The following FAT4 variants were observed in gnomAD, a reference collection of about 807,000 sequenced individuals.
The protein encoded by FAT4 is FAT atypical cadherin 4.
A neutral mutation model predicts 303.9 loss-of-function variants in FAT4; 84 were observed. The ratio of observed to expected loss-of-function variants is 0.28; its 90% confidence interval spans 0.23 to 0.33. The LOEUF is 0.33. Among genes scored for constraint, FAT4 ranks in the 10% least tolerant of loss-of-function variants. The pLI, the probability that FAT4 is intolerant of heterozygous loss-of-function variation, is 1.00. For missense variants in FAT4, 6,005 were observed against 6,146.8 expected, an observed-to-expected ratio of 0.98 and a Z score of 0.77; for synonymous variants, 2,307 against 2,298.8, an observed-to-expected ratio of 1.00 and a Z score of -0.10.
At chr4:125,340,814 C>A (rs1287418687) in intron 2 of FAT4, among the ~76,000 whole-genome samples, 4 of 152,054 alleles carry the variant, frequency 2.6e-5, no homozygotes, top group Non-Finnish European at 2.9e-5. Context: ...GTAGGATAAT[C>A]AACACATGGA....
Position 125,316,201 on chromosome 4 carries a change from A to G in FAT4, c.-12-199A>G, listed in dbSNP as rs1404750850. ...ATGCCCTGCCGCTTTTCGCCACAGC[A>G]TCTCTCTTGCACTCCGCGTTCAACT... On this transcript the variant is annotated intron_variant, in intron 1 of 17. Coordinates refer to ENST00000394329, the MANE Select transcript of FAT4 (RefSeq NM_001291303.3). This position sits in a 1 kb window ranked among gnomAD's most constrained non-coding sequence, Gnocchi z 5.7. Among the ~76,000 whole-genome samples, 1 of 152,146 alleles carries G rather than the reference A, an allele frequency of 6.6e-6. No individual in the cohort carries two copies. Among genetic ancestry groups the G allele is most frequent in the Non-Finnish European group, 1.5e-5 (1 of 68,028 alleles).
At chr4:125,488,508 G>A (rs945681939) in intron 17 of FAT4, among the ~76,000 whole-genome samples, 1 of 152,156 alleles carries the variant, frequency 6.6e-6, no homozygotes, top group Non-Finnish European at 1.5e-5. Context: ...TGAGGAGTTA[G>A]AAAGAAATGG....
At chr4:125,330,619 A>G (rs890798721) in intron 2 of FAT4, among the ~76,000 whole-genome samples, 4 of 152,206 alleles carry the variant, frequency 2.6e-5, no homozygotes, top group Non-Finnish European at 4.4e-5. Flanking sequence ...TTGATCTGCT[A>G]TGTTCCTTAA....
At chr4:125,437,694 C>G (rs2126046932) in intron 8 of FAT4, among the ~76,000 whole-genome samples, 1 of 152,216 alleles carries the variant, frequency 6.6e-6, no homozygotes, top group African/African-American at 2.4e-5. Flanking sequence ...TATACCAAAG[C>G]ATAGAAATAA....
intron 2 of FAT4, among the ~76,000 whole-genome samples, chr4:125,367,096 C>T (rs1732915317): frequency 6.6e-6 from 1 of 151,926 alleles, no homozygotes; most frequent in Admixed American, 6.6e-5. Flanking sequence ...AGAAGCTTTT[C>T]TTTAGTTTAG....
intron 8 of FAT4, among the ~76,000 whole-genome samples, chr4:125,441,855 C>T (rs912752253): frequency 1.5e-4 from 23 of 152,304 alleles, no homozygotes; most frequent in Middle Eastern, 3.4e-3. Context: ...AGGATCTGTG[C>T]TTTCCCAAGC....
intron 7 of FAT4, 26 bp downstream of exon 7, chr4:125,416,648 T>C (rs1735086083): frequency 1.2e-6 from 2 of 1,608,060 alleles, no homozygotes. Flanking sequence ...CCTTGTTCAT[T>C]TGTAGATAAT....
chr4:125,332,349 G>C (rs1290960165), intron 2 of FAT4, among the ~76,000 whole-genome samples: 1 of 151,742 alleles, frequency 6.6e-6, no homozygotes, highest in East Asian at 1.9e-4. Flanking sequence ...TGCCCAGTCT[G>C]GTGTTAATGC....
At chr4:125,392,505 T>A (rs2126007900) in intron 2 of FAT4, among the ~76,000 whole-genome samples, 1 of 152,302 alleles carries the variant, frequency 6.6e-6, no homozygotes, top group East Asian at 1.9e-4. Context: ...ATGTTGCATC[T>A]TTTAAGAAAA....
chr4:125,348,028 A>G (rs961871354), intron 2 of FAT4, among the ~76,000 whole-genome samples: 16 of 151,964 alleles, frequency 1.1e-4, no homozygotes, highest in Middle Eastern at 3.4e-3. Flanking sequence ...AAGGTTTAGG[A>G]TCAGAAGGCC....
chr4:125,365,930 A>G (rs1431686279), intron 2 of FAT4, among the ~76,000 whole-genome samples: 1 of 152,064 alleles, frequency 6.6e-6, no homozygotes, highest in Non-Finnish European at 1.5e-5. Flanking sequence ...GCAGGAGGTG[A>G]GCGGCAGGCT....
At chr4:125,425,139 G>C (rs1048832024) in intron 7 of FAT4, among the ~76,000 whole-genome samples, 1 of 152,132 alleles carries the variant, frequency 6.6e-6, no homozygotes, top group Non-Finnish European at 1.5e-5. Flanking sequence ...TGCACACTTA[G>C]TGCTTGTAAG....
intron 11 of FAT4, among the ~76,000 whole-genome samples, chr4:125,465,744 G>A (rs575573584): frequency 8.7e-4 from 133 of 152,224 alleles, no homozygotes; most frequent in African/African-American, 3.1e-3. Flanking sequence ...CACATAGCCG[G>A]CAGTGCAAAT....
In FAT4 at chr4:125,408,748, T is replaced by G; in HGVS notation, c.5874T>G (p.Pro1958=). ...GCACATCTTTAATGGAGAATCTACCTGTGGGATCTACTGTTCTTGTGTTTA... is the reference window on the plus strand; with the variant it reads ...GCACATCTTTAATGGAGAATCTACCGGTGGGATCTACTGTTCTTGTGTTTA... ...SYSTSLMENL[P]VGSTVLVFNV... The change falls in exon 5 of 18, where the codon CCT becomes CCG. Residue 1958 remains proline (P), a synonymous_variant. Transcript: ENST00000394329. 1 of 1,603,464 alleles carries G rather than the reference T, an allele frequency of 6.2e-7. No individual in the cohort carries two copies. Among genetic ancestry groups the G allele is most frequent in the Non-Finnish European group, 8.5e-7 (1 of 1,174,208 alleles).
rs762304568 is a variant in FAT4, at chr4:125,318,440, G to A, written c.2029G>A (p.Val677Met). The A allele has an allele frequency of 1.2e-6, 2 of 1,614,064 alleles. No individual in the cohort carries two copies. The highest frequency in any genetic ancestry group is 1.1e-5 in the South Asian group (1 of 91,094). The change falls in exon 2 of 18, where the codon GTG becomes ATG. Residue 677 changes from valine (V) to methionine (M), a missense_variant. Coordinates refer to ENST00000394329, the MANE Select transcript of FAT4 (RefSeq NM_001291303.3). Reference protein sequence around the residue: ...PPQSSMARINVSLLDINDNSP... With the variant: ...PPQSSMARINMSLLDINDNSP... ...CCAGTCATCAATGGCTCGCATAAAT[G>A]TGAGTCTTCTGGATATAAATGATAA...
chr4:125,359,213 A>C (rs867522460), intron 2 of FAT4, among the ~76,000 whole-genome samples: 1 of 152,148 alleles, frequency 6.6e-6, no homozygotes, highest in Non-Finnish European at 1.5e-5. Context: ...CATTTTCCTA[A>C]TGAGAAAAGT....
intron 2 of FAT4, among the ~76,000 whole-genome samples, chr4:125,380,952 A>G (rs899257207): frequency 5.9e-5 from 9 of 152,186 alleles, no homozygotes; most frequent in Admixed American, 5.9e-4. Flanking sequence ...ACTTGGCTTT[A>G]TATTACCTTA....
Position 125,398,869 on chromosome 4 carries a change from G to C in FAT4, c.5261G>C (p.Gly1754Ala), listed in dbSNP as rs775986147. The change falls in exon 3 of 18, where the codon GGA (glycine) becomes GCA (alanine). Residue 1754 changes from glycine to alanine, a missense_variant. By Grantham distance (60) the Gly-to-Ala change is moderately conservative. Coordinates refer to ENST00000394329, the MANE Select transcript of FAT4 (RefSeq NM_001291303.3). ...MLDLTVEENI[G>A]DGSKIMQLTA... ...GATCTCACGGTAGAGGAGAACATTG[G>C]AGATGGCTCTAAGATTATGCAGCTG... is the stretch of plus-strand genomic sequence containing the variant. 6.2e-7 allele frequency: 1 copy of C among 1,613,246 alleles called. No homozygotes were observed. The highest frequency in any genetic ancestry group is 2.2e-5 in the East Asian group (1 of 44,844).
At chr4:125,403,814 G>A (rs1734484025) in intron 3 of FAT4, among the ~76,000 whole-genome samples, 2 of 151,928 alleles carry the variant, frequency 1.3e-5, no homozygotes, top group African/African-American at 4.8e-5. Context: ...TTTGCACATG[G>A]GGTTGTTAAA....
Sources: allele counts gnomAD v4.1 joint callset (sites outside exome capture counted in the v4.1 genomes callset), GRCh38; gene constraint gnomAD v4.1.1; non-coding constraint Gnocchi (gnomAD v3.1); transcripts MANE v1.5; gene names NCBI Gene and HGNC (gene_info 2026-07-23, HGNC 2026-07-21).